The following NAV3 variants were observed in gnomAD, a reference collection of about 807,000 sequenced individuals.
The protein encoded by NAV3 is pore membrane and/or filament interacting like protein 1.
A neutral mutation model predicts 244.7 loss-of-function variants in NAV3; 87 were observed. The ratio of observed to expected loss-of-function variants is 0.36; its 90% CI spans 0.30 to 0.42. NAV3 has a LOEUF of 0.42. Ranked by LOEUF, NAV3 falls within the 20% of genes least tolerant of loss-of-function variation. The pLI, the probability that NAV3 is intolerant of heterozygous loss-of-function variation, is 1.00. For missense variants in NAV3, 2,663 were observed against 2,893.3 expected (o/e 0.92, Z 1.83); for synonymous variants, 1,126 against 1,042.2 (o/e 1.08, Z -1.55).
rs922796059 is a variant in NAV3, at chr12:78,211,405, C to T, written c.*888C>T. The T allele has an allele frequency of 1.3e-5, 2 of 152,318 alleles. No individual in the cohort carries two copies. The highest frequency in any genetic ancestry group is 4.8e-5 in the African/African-American group (2 of 41,374). 9.4% of individuals were successfully genotyped at this position (152,318 alleles called of 1,614,324 possible). A position where few individuals can be genotyped will look rare whatever the true frequency, so the allele number is the denominator to read the frequency against. On this transcript the variant is annotated 3_prime_UTR_variant, in exon 40 of 40. Transcript: ENST00000397909. ...AATCCTAAACCATTGGTAATTTCCA[C>T]TGTCTTTTCATTTACAACCAAGCAA...
At chr12:77,798,157 G>T (rs1040029551) in intron 2 of NAV3, among the ~76,000 whole-genome samples, 1 of 132,804 alleles carries the variant, frequency 7.5e-6, no homozygotes, top group African/African-American at 3.0e-5. Flanking sequence ...GTGAGACCGT[G>T]TCTCAAAAAC....
chr12:77,963,204 T>G (rs1029360329), intron 3 of NAV3, among the ~76,000 whole-genome samples: 1 of 152,144 alleles, frequency 6.6e-6, no homozygotes, highest in African/African-American at 2.4e-5. Flanking sequence ...TTGTACTAGG[T>G]CTATTTATAA....
intron 5 of NAV3, among the ~76,000 whole-genome samples, chr12:77,977,720 A>G (rs1040500087): frequency 2.5e-4 from 38 of 150,798 alleles, no homozygotes; most frequent in African/African-American, 4.4e-4. Flanking sequence ...GCGCACACAC[A>G]CACACACACA....
rs2135973862 is a variant in NAV3 at position 77,802,267 on chromosome 12, A to G, written c.73-138052A>G. Among the ~76,000 whole-genome samples, 3 of 152,352 alleles carry G rather than the reference A, an allele frequency of 2.0e-5. No individual in the cohort carries two copies. In the South Asian group the frequency reaches 6.2e-4, roughly 32 times the overall value. The stretch of plus-strand genomic sequence containing the variant: ...ATTCTCTCCTTTTACAACTTAGCTT[A>G]GATGTTCAGGTGTTACTGGACAGGA... On this transcript the variant is annotated intron_variant, in intron 2 of 8. Transcript: ENST00000550042.
At chr12:77,688,020 C>T (rs1874836812) in intron 2 of NAV3, among the ~76,000 whole-genome samples, 1 of 151,872 alleles carries the variant, frequency 6.6e-6, no homozygotes, top group Non-Finnish European at 1.5e-5. Flanking sequence ...TTTACTGTAT[C>T]CAACAGAATA....
At chr12:78,138,394 A>G (rs1956464865) in intron 19 of NAV3, among the ~76,000 whole-genome samples, 1 of 143,564 alleles carries the variant, frequency 7.0e-6, no homozygotes, top group Non-Finnish European at 1.5e-5. Flanking sequence ...TCTTATTTAA[A>G]GTATCTTCTG....
intron 12 of NAV3, among the ~76,000 whole-genome samples, chr12:78,098,960 T>G (rs1954399178): frequency 1.3e-5 from 2 of 151,196 alleles, no homozygotes; most frequent in African/African-American, 4.8e-5. Flanking sequence ...CCAGGGTTTT[T>G]TTTTTTTTTA....
intron 2 of NAV3, among the ~76,000 whole-genome samples, chr12:77,593,546 T>G (rs1273975450): frequency 6.6e-6 from 1 of 150,630 alleles, no homozygotes; most frequent in East Asian, 2.0e-4. Context: ...ACCTCCCGGG[T>G]TCAAGCGATT....
chr12:78,137,131 T>A, intron 18 of NAV3, 46 bp from the exon 19 acceptor site: 8 of 1,529,412 alleles, frequency 5.2e-6, no homozygotes, highest in Non-Finnish European at 7.1e-6. Context: ...GCTATTTTCA[T>A]CTTTCAAGCT....
At chr12:77,706,478 A>T (rs1430203374) in intron 2 of NAV3, among the ~76,000 whole-genome samples, 1 of 151,172 alleles carries the variant, frequency 6.6e-6, no homozygotes, top group Non-Finnish European at 1.5e-5. Context: ...TCATGTGTAC[A>T]CTCTAATGTC....
chr12:78,069,025 G>A (rs1439359817), intron 12 of NAV3, among the ~76,000 whole-genome samples: 2 of 151,284 alleles, frequency 1.3e-5, no homozygotes, highest in Non-Finnish European at 2.9e-5. Flanking sequence ...TTCAATTTGG[G>A]ATCATTAAAT....
intron 2 of NAV3, among the ~76,000 whole-genome samples, chr12:77,581,285 T>C (rs1003798174): frequency 6.6e-6 from 1 of 152,228 alleles, no homozygotes; most frequent in East Asian, 1.9e-4. Context: ...AATACTTTTA[T>C]TGTGCTCTGA....
chr12:77,583,597 C>T (rs1741216558), intron 2 of NAV3, among the ~76,000 whole-genome samples: 1 of 152,158 alleles, frequency 6.6e-6, no homozygotes, highest in Non-Finnish European at 1.5e-5. Flanking sequence ...TGTACCCAGA[C>T]ATTTCCGAAG....
At chr12:77,870,203 A>T (rs1287086472) in intron 1 of NAV3, among the ~76,000 whole-genome samples, 2 of 151,930 alleles carry the variant, frequency 1.3e-5, no homozygotes, top group Non-Finnish European at 2.9e-5. Context: ...CGTCTCAACT[A>T]AAAATACAAA....
chr12:78,192,672 A>C (rs1426794845), intron 34 of NAV3, among the ~76,000 whole-genome samples: 1 of 152,074 alleles, frequency 6.6e-6, no homozygotes, highest in African/African-American at 2.4e-5. Flanking sequence ...GGCCTCCCAA[A>C]ATGCTGGGAT....
Position 78,109,395 on chromosome 12 carries a change from T to A in NAV3, c.2637-7377T>A, listed in dbSNP as rs79657478. 4.6e-5 allele frequency among the ~76,000 whole-genome samples: 7 copies of A among 152,092 alleles called. No homozygotes were observed. The East Asian group carries it at 1.4e-3, about 29-fold the overall frequency. On this transcript the variant is annotated intron_variant, in intron 12 of 39. Coordinates refer to ENST00000397909, the MANE Select transcript of NAV3 (RefSeq NM_001024383.2). ...AATCATGCAAAGAAGAATACCAGTC[T>A]TCTTGATGCTATTACAATAAATCAG...
chr12:77,868,766 A>AAAG (rs1555219614), intron 1 of NAV3, among the ~76,000 whole-genome samples: 2 of 150,566 alleles, frequency 1.3e-5, no homozygotes, highest in African/African-American at 4.9e-5. Context: ...AAAAAAAAAA[A>AAAG]AAAAAGAAAA....
chr12:78,135,960 C>A (rs1956355138), intron 18 of NAV3, among the ~76,000 whole-genome samples: 1 of 152,116 alleles, frequency 6.6e-6, no homozygotes, highest in Non-Finnish European at 1.5e-5. Flanking sequence ...CAATAACTGG[C>A]TCTATCAGAG....
chr12:77,632,108 A>C (rs540216366), intron 2 of NAV3, among the ~76,000 whole-genome samples: 3 of 151,588 alleles, frequency 2.0e-5, no homozygotes, highest in Admixed American at 1.3e-4. Flanking sequence ...TTTATATCCT[A>C]CTCTTTCCAT....
Sources: gnomAD v4.1 joint callset for allele counts (sites outside exome capture counted in the v4.1 genomes callset) on GRCh38, gnomAD v4.1.1 for gene constraint, MANE v1.5 for transcripts, NCBI Gene and HGNC (gene_info 2026-07-23, HGNC 2026-07-21) for gene names.